Variants in FSTL4 observed in about 807,000 individuals in gnomAD.
FSTL4 encodes the protein follistatin like 4.
Under a neutral mutation model 78.2 loss-of-function variants are expected in FSTL4, and 28 were observed. The observed-to-expected ratio is 0.36, with a 90% CI of 0.27 to 0.49. The LOEUF (loss-of-function observed/expected upper bound fraction) is 0.49. Among genes scored for constraint, FSTL4 ranks in the 20% least tolerant of loss-of-function variants. FSTL4 has a pLI of 0.98. For synonymous variants in FSTL4, 422 were observed against 440.5 expected, an observed-to-expected ratio of 0.96 and a Z score of 0.53; for missense variants, 922 against 1,084.9, an observed-to-expected ratio of 0.85 and a Z score of 2.11.
At chr5:133,337,642 A>G (rs1304277746) in intron 4 of FSTL4, among the ~76,000 whole-genome samples, 1 of 152,210 alleles carries the variant, frequency 6.6e-6, no homozygotes, top group Non-Finnish European at 1.5e-5. Context: ...TGGGAATACC[A>G]GCAATAATTA....
chr5:133,699,970 C>T, the FSTL4 span, among the ~76,000 whole-genome samples: 3 of 151,886 alleles, frequency 2.0e-5, no homozygotes, highest in African/African-American at 7.3e-5. Flanking sequence ...GCTAATCTAG[C>T]CTGGGCTCGG....
the FSTL4 span, among the ~76,000 whole-genome samples, chr5:133,814,042 G>A: frequency 6.6e-6 from 1 of 152,198 alleles, no homozygotes; most frequent in Non-Finnish European, 1.5e-5. Flanking sequence ...TAAACACCAG[G>A]CAACGGGGGC....
At chr5:133,691,051 G>A in the FSTL4 span, among the ~76,000 whole-genome samples, 258 of 152,286 alleles carry the variant, frequency 1.7e-3, no homozygotes, top group Middle Eastern at 0.01. Context: ...CTTTGGATCC[G>A]AGGACACTGA....
intron 6 of FSTL4, among the ~76,000 whole-genome samples, chr5:133,252,902 T>C (rs1026700943): frequency 6.6e-6 from 1 of 152,166 alleles, no homozygotes; most frequent in African/African-American, 2.4e-5. Context: ...CCCTGAGTTA[T>C]TCCCAGCCAT....
At chr5:133,705,008 C>T in the FSTL4 span, among the ~76,000 whole-genome samples, 1 of 152,224 alleles carries the variant, frequency 6.6e-6, no homozygotes, top group South Asian at 2.1e-4. Context: ...TGGATACTGG[C>T]TAAGTGCCTG....
At chr5:133,526,993 C>T (rs1344457057) in intron 3 of FSTL4, among the ~76,000 whole-genome samples, 1 of 152,094 alleles carries the variant, frequency 6.6e-6, no homozygotes, top group Admixed American at 6.5e-5. Context: ...TGTGTAAGTC[C>T]ACACAGCCAC....
chr5:133,610,361 G>T (rs1240482690), intron 1 of FSTL4, among the ~76,000 whole-genome samples: 1 of 152,210 alleles, frequency 6.6e-6, no homozygotes, highest in Non-Finnish European at 1.5e-5. Flanking sequence ...ACTCTAACGA[G>T]CAATTTAAAT....
intron 3 of FSTL4, among the ~76,000 whole-genome samples, chr5:133,459,507 T>A (rs919287576): frequency 1.1e-4 from 16 of 152,222 alleles, no homozygotes; most frequent in Admixed American, 3.3e-4. Context: ...AATGTTTTTT[T>A]AAAAATTGTT....
the FSTL4 span, among the ~76,000 whole-genome samples, chr5:133,635,484 C>T: frequency 0.029 from 4,478 of 152,354 alleles, 84 homozygotes; most frequent in East Asian, 0.071. Flanking sequence ...GCCTTGGCGG[C>T]TGGGCACAGT....
chr5:133,601,916 T>A (rs967955009), intron 2 of FSTL4, among the ~76,000 whole-genome samples: 1 of 151,812 alleles, frequency 6.6e-6, no homozygotes, highest in Non-Finnish European at 1.5e-5. Context: ...ACTCCTGGGC[T>A]CAAGTGATCT....
intron 4 of FSTL4, among the ~76,000 whole-genome samples, chr5:133,355,519 G>A (rs185235361): frequency 1.3e-5 from 2 of 152,230 alleles, no homozygotes; most frequent in Admixed American, 1.3e-4. Flanking sequence ...AGCTGGGTGT[G>A]GTGGCGCATG....
chr5:133,371,437 A>C (rs1027546720), intron 4 of FSTL4, among the ~76,000 whole-genome samples: 4 of 152,222 alleles, frequency 2.6e-5, no homozygotes, highest in African/African-American at 9.6e-5. Flanking sequence ...GGGAAAAAGC[A>C]AGCATGAGGG....
chr5:133,694,855 G>A, the FSTL4 span, among the ~76,000 whole-genome samples: 2 of 152,198 alleles, frequency 1.3e-5, no homozygotes, highest in African/African-American at 4.8e-5. Context: ...AGCAGAGAGA[G>A]CAGGAAGCAA....
chr5:133,419,943 G>T (rs1187782654), intron 3 of FSTL4, among the ~76,000 whole-genome samples: 1 of 152,130 alleles, frequency 6.6e-6, no homozygotes, highest in African/African-American at 2.4e-5. Context: ...GCTCACAAAA[G>T]GACACATACA....
chr5:133,687,919 C>T, the FSTL4 span, among the ~76,000 whole-genome samples: 1 of 152,210 alleles, frequency 6.6e-6, no homozygotes, highest in Non-Finnish European at 1.5e-5. Context: ...TGCCTCCTCC[C>T]CAGGTCCCAG....
chr5:133,638,210 T>C, the FSTL4 span, among the ~76,000 whole-genome samples: 1 of 123,050 alleles, frequency 8.1e-6, no homozygotes, highest in African/African-American at 2.7e-5. Context: ...TCACTGCCTT[T>C]ACAGCCACCA....
At chr5:133,309,999 T>C (rs953231057) in intron 6 of FSTL4, among the ~76,000 whole-genome samples, 4 of 152,240 alleles carry the variant, frequency 2.6e-5, no homozygotes, top group Non-Finnish European at 5.9e-5. Flanking sequence ...TGCTGGGTAA[T>C]AACTTGTACC....
At chr5:133,325,513 A>G (rs535121662) in intron 4 of FSTL4, among the ~76,000 whole-genome samples, 1 of 152,078 alleles carries the variant, frequency 6.6e-6, no homozygotes, top group Admixed American at 6.5e-5. Flanking sequence ...ATCATGAAAG[A>G]GCTCAGCTGC....
At chr5:133,553,715 G>A (rs1181252864) in intron 3 of FSTL4, among the ~76,000 whole-genome samples, 3 of 152,114 alleles carry the variant, frequency 2.0e-5, no homozygotes, top group Admixed American at 6.5e-5. Context: ...TATAATCTCC[G>A]ATCCCCTAAG....
Sources: gnomAD v4.1 joint callset for allele counts (sites outside exome capture counted in the v4.1 genomes callset) on GRCh38, gnomAD v4.1.1 for gene constraint, MANE v1.5 for transcripts, NCBI Gene and HGNC (gene_info 2026-07-23, HGNC 2026-07-21) for gene names.